SDK1: variants seen among roughly 807,000 people sequenced by gnomAD.
SDK1 encodes sidekick cell adhesion molecule 1.
SDK1 carries 157 observed loss-of-function variants against 245.5 expected under a neutral mutation model. That is an observed-to-expected ratio of 0.64 (90% CI 0.56 to 0.73). The LOEUF is 0.73. Ranked by LOEUF, SDK1 falls within the 30% of genes least tolerant of loss-of-function variation. The pLI is 0.00. For synonymous variants in SDK1, 1,647 were observed against 1,278.5 expected (o/e 1.29, Z -6.15); for missense variants, 3,583 against 3,002.3 (o/e 1.19, Z -4.52).
At chr7:4,218,255 T>C (rs968517455) in intron 38 of SDK1, among the ~76,000 whole-genome samples, 1 of 152,088 alleles carries the variant, frequency 6.6e-6, no homozygotes, top group African/African-American at 2.4e-5. Flanking sequence ...TAGCCAGGCA[T>C]GGTGGCATGC....
chr7:3,316,839 T>A lies in SDK1; in HGVS notation c.298+14955T>A, dbSNP rs557741157. Among the ~76,000 whole-genome samples, 195 of 152,268 alleles carry A rather than the reference T, an allele frequency of 1.3e-3. 3 individuals carry two copies. Among genetic ancestry groups the A allele is most frequent in the African/African-American group, 4.5e-3 (189 of 41,548 alleles). ...TTGTATCCCCCTTTTTTGCTTAAAC[T>A]AGACAGAATTGGTGTTTTTGGGCAA... On this transcript the variant is annotated intron_variant, in intron 1 of 44. Transcript: ENST00000404826.
At position 3,327,935 on chromosome 7, in the gene SDK1, G is replaced by A. The variant is rs546279226; in HGVS notation, c.298+26051G>A. 3.4e-4 allele frequency among the ~76,000 whole-genome samples: 51 copies of A among 152,078 alleles called. No homozygotes were observed. In the South Asian group the frequency reaches 8.9e-3, roughly 27 times the overall value. On this transcript the variant is annotated intron_variant, in intron 1 of 44. Coordinates refer to ENST00000404826, the MANE Select transcript of SDK1 (RefSeq NM_152744.4). ...TTCTGTCGTATGTTGAATTATATGC[G>A]GTGTATTTTGATACCCTATCACTAT...
chr7:3,887,630 A>G (rs934199943), intron 5 of SDK1, among the ~76,000 whole-genome samples: 1 of 152,224 alleles, frequency 6.6e-6, no homozygotes, highest in African/African-American at 2.4e-5. Flanking sequence ...CAAAACAAAA[A>G]AAGCATGTTG....
intron 1 of SDK1, among the ~76,000 whole-genome samples, chr7:3,363,365 C>A (rs1290105454): frequency 6.6e-6 from 1 of 151,812 alleles, no homozygotes; most frequent in Non-Finnish European, 1.5e-5. Context: ...TAACCATTCA[C>A]CTATTAAAGA....
intron 1 of SDK1, among the ~76,000 whole-genome samples, chr7:3,363,075 G>T (rs1780995772): frequency 1.3e-5 from 2 of 152,284 alleles, no homozygotes; most frequent in South Asian, 4.1e-4. Flanking sequence ...TCAAGAAACA[G>T]AACGTTTCCA....
chr7:3,452,098 A>C (rs1488122155), intron 1 of SDK1, among the ~76,000 whole-genome samples: 1 of 152,244 alleles, frequency 6.6e-6, no homozygotes, highest in Non-Finnish European at 1.5e-5. Flanking sequence ...AAGGATTTCA[A>C]GGGTAAGCCG....
At chr7:3,422,456 T>C (rs1779558561) in intron 1 of SDK1, among the ~76,000 whole-genome samples, 1 of 152,142 alleles carries the variant, frequency 6.6e-6, no homozygotes, top group South Asian at 2.1e-4. Flanking sequence ...AAAAATACTA[T>C]AGAATATAAC....
intron 1 of SDK1, among the ~76,000 whole-genome samples, chr7:3,504,906 G>C (rs1301704251): frequency 6.6e-6 from 1 of 152,074 alleles, no homozygotes; most frequent in Non-Finnish European, 1.5e-5. Flanking sequence ...TCTACTCCTA[G>C]TTATGTACCC....
rs565439016 is a variant in SDK1, at chr7:3,387,497, A to G, written c.298+85613A>G. On this transcript the variant is annotated intron_variant, in intron 1 of 44. Transcript: ENST00000404826. ...TGTCTCCTGTTTATAACAGAATCTG[A>G]CACTTCCAACATCATGTAAGAGCTG... Among the ~76,000 whole-genome samples, 4 of 152,334 alleles carry G rather than the reference A, an allele frequency of 2.6e-5. No homozygotes were observed. In the South Asian group the frequency reaches 6.2e-4, roughly 24 times the overall value.
At chr7:4,186,345 C>T (rs893479417) in intron 35 of SDK1, among the ~76,000 whole-genome samples, 5 of 152,156 alleles carry the variant, frequency 3.3e-5, no homozygotes, top group East Asian at 3.9e-4. Context: ...CAGGGCCCTC[C>T]GACACCCACC....
chr7:4,034,150 G>A (rs1788045912), intron 17 of SDK1, among the ~76,000 whole-genome samples: 2 of 152,140 alleles, frequency 1.3e-5, no homozygotes, highest in African/African-American at 4.8e-5. Context: ...ACATCAGATG[G>A]ACTCAAACTA....
chr7:3,653,253 C>T (rs1783064031), intron 4 of SDK1, among the ~76,000 whole-genome samples: 2 of 152,166 alleles, frequency 1.3e-5, no homozygotes, highest in African/African-American at 4.8e-5. Context: ...GTGGGTCACC[C>T]CTCCTTCCTC....
intron 22 of SDK1, among the ~76,000 whole-genome samples, chr7:4,100,194 A>G (rs1782442479): frequency 6.6e-6 from 1 of 152,160 alleles, no homozygotes; most frequent in African/African-American, 2.4e-5. Flanking sequence ...TCCCCTTGAG[A>G]GGGATCAGAT....
At chr7:3,918,582 G>T (rs1439601790) in intron 5 of SDK1, among the ~76,000 whole-genome samples, 2 of 152,128 alleles carry the variant, frequency 1.3e-5, no homozygotes, top group East Asian at 3.8e-4. Context: ...ATTTCATTCT[G>T]TATTACAATG....
At chr7:3,980,207 A>G (rs1437430888) in intron 13 of SDK1, among the ~76,000 whole-genome samples, 4 of 152,152 alleles carry the variant, frequency 2.6e-5, no homozygotes, top group East Asian at 3.9e-4. Context: ...TACAGCCACA[A>G]TTTCACCAAT....
intron 1 of SDK1, among the ~76,000 whole-genome samples, chr7:3,583,663 G>C (rs895881199): frequency 2.6e-5 from 4 of 152,086 alleles, no homozygotes; most frequent in African/African-American, 9.7e-5. Context: ...ACTTTGGAGA[G>C]GGAAATAAAA....
At chr7:3,999,597 G>A (rs1784925091) in intron 14 of SDK1, among the ~76,000 whole-genome samples, 1 of 152,170 alleles carries the variant, frequency 6.6e-6, no homozygotes, top group Admixed American at 6.5e-5. Flanking sequence ...CAAGGACTCC[G>A]AGGCTTGGAT....
chr7:3,727,205 A>G (rs1583347548), intron 4 of SDK1, among the ~76,000 whole-genome samples: 1 of 152,278 alleles, frequency 6.6e-6, no homozygotes. Context: ...CTGATTATGT[A>G]CATGGCAGAT....
chr7:3,766,063 G>A (rs941156470), intron 4 of SDK1, among the ~76,000 whole-genome samples: 5 of 152,092 alleles, frequency 3.3e-5, no homozygotes, highest in African/African-American at 4.8e-5. Context: ...TACAAATGGC[G>A]TTTTCCCAAG....
Sources: allele counts gnomAD v4.1 joint callset (sites outside exome capture counted in the v4.1 genomes callset), GRCh38; gene constraint gnomAD v4.1.1; transcripts MANE v1.5; gene names NCBI Gene and HGNC (gene_info 2026-07-23, HGNC 2026-07-21).